The following TMCC1 variants were observed in gnomAD, a reference collection of about 807,000 sequenced individuals.
The protein encoded by TMCC1 is transmembrane and coiled-coil domains protein 1.
Under a neutral mutation model 52.4 loss-of-function variants are expected in TMCC1, and 15 were observed. The observed-to-expected ratio is 0.29, with a 90% confidence interval of 0.19 to 0.44. The LOEUF (loss-of-function observed/expected upper bound fraction) is 0.44. Ranked by LOEUF, TMCC1 falls within the 20% of genes least tolerant of loss-of-function variation. The pLI is 1.00. For missense variants in TMCC1, 503 were observed against 806.0 expected (o/e 0.62, Z 4.55); for synonymous variants, 279 against 301.9 (o/e 0.92, Z 0.79).
chr3:129,708,912 T>G (rs1402194645), intron 4 of TMCC1, among the ~76,000 whole-genome samples: 1 of 152,194 alleles, frequency 6.6e-6, no homozygotes, highest in Non-Finnish European at 1.5e-5. Flanking sequence ...AGGAAATGGG[T>G]TTAATCTCGG....
At chr3:129,792,973 T>C (rs1189059126) in intron 4 of TMCC1, among the ~76,000 whole-genome samples, 1 of 152,170 alleles carries the variant, frequency 6.6e-6, no homozygotes, top group African/African-American at 2.4e-5. Context: ...CATAATATAG[T>C]TACCTTCTAA....
At chr3:129,806,916 GA>G (rs570915106) in intron 4 of TMCC1, among the ~76,000 whole-genome samples, 223 of 150,636 alleles carry the variant, frequency 1.5e-3, no homozygotes, top group South Asian at 0.01. Flanking sequence ...AAGAACAAAG[GA>G]AAAAAAACCA....
chr3:129,770,257 T>C (rs1560380288), intron 4 of TMCC1, among the ~76,000 whole-genome samples: 1 of 152,220 alleles, frequency 6.6e-6, no homozygotes, highest in Non-Finnish European at 1.5e-5. Context: ...GGCTCACACC[T>C]GTAATCCCAG....
chr3:129,657,604 A>G (rs2086748442), intron 5 of TMCC1, among the ~76,000 whole-genome samples: 1 of 152,232 alleles, frequency 6.6e-6, no homozygotes, highest in South Asian at 2.1e-4. Flanking sequence ...TAAGTAAGAA[A>G]TCAGAGTCAG....
intron 4 of TMCC1, among the ~76,000 whole-genome samples, chr3:129,744,447 C>CCAG (rs943558302): frequency 5.9e-5 from 9 of 151,722 alleles, no homozygotes; most frequent in Admixed American, 5.3e-4. Flanking sequence ...GGCACCGCAC[C>CCAG]CAGCCTCTTT....
At chr3:129,851,950 G>C (rs962946786) in intron 2 of TMCC1, among the ~76,000 whole-genome samples, 1 of 152,122 alleles carries the variant, frequency 6.6e-6, no homozygotes, top group Non-Finnish European at 1.5e-5. Context: ...AGGAGTTCAA[G>C]ACCAGCCTGG....
intron 2 of TMCC1, among the ~76,000 whole-genome samples, chr3:129,844,386 CCA>C (rs1458578383): frequency 6.6e-6 from 1 of 152,130 alleles, no homozygotes; most frequent in Non-Finnish European, 1.5e-5. Flanking sequence ...CATCTGGCAT[CCA>C]CACAGACAGG....
At chr3:129,796,661 A>T (rs988864917) in intron 4 of TMCC1, among the ~76,000 whole-genome samples, 10 of 152,096 alleles carry the variant, frequency 6.6e-5, no homozygotes, top group African/African-American at 2.4e-4. Flanking sequence ...CTCTACAAAA[A>T]ATAAGAATAA....
At chr3:129,672,136 G>A (rs2088000754) in intron 4 of TMCC1, among the ~76,000 whole-genome samples, 1 of 152,152 alleles carries the variant, frequency 6.6e-6, no homozygotes, top group Non-Finnish European at 1.5e-5. Context: ...TGAAGAAAAA[G>A]ACAAGATACT....
At chr3:129,800,925 ATTTT>A (rs11394617) in intron 4 of TMCC1, among the ~76,000 whole-genome samples, 4 of 117,960 alleles carry the variant, frequency 3.4e-5, no homozygotes, top group African/African-American at 9.6e-5. Context: ...ATCTCACACT[ATTTT>A]TTTTTTTTTT....
rs373671341 is a variant in TMCC1, at chr3:129,831,175, C to G, written c.-131+1599G>C. ...TCTCAAATTCCTGACCTCAAGTGAT[C>G]CAACCGCCTCAGCCTCCCAAAGTGC... On this transcript the variant is annotated intron_variant, in intron 3 of 6. Transcript: ENST00000393238. 3.9e-5 allele frequency among the ~76,000 whole-genome samples: 6 copies of G among 152,210 alleles called. No homozygotes were observed. In the East Asian group the frequency reaches 1.2e-3, roughly 29 times the overall value.
At chr3:129,666,508 G>A (rs1183640113) in intron 5 of TMCC1, among the ~76,000 whole-genome samples, 1 of 152,152 alleles carries the variant, frequency 6.6e-6, no homozygotes, top group Non-Finnish European at 1.5e-5. Context: ...GGAGGCTGAG[G>A]TGGGTGGATC....
Position 129,880,437 on chromosome 3 carries a change from G to A in TMCC1, c.-312C>T, listed in dbSNP as rs921498021. On this transcript the variant is annotated 5_prime_UTR_variant, in exon 2 of 7. Coordinates refer to ENST00000393238, the MANE Select transcript of TMCC1 (RefSeq NM_001017395.5). ...AAACAGAAGATCCATATGAAAAAGA[G>A]ATCCAATCTGGGAGGATGGACACTG... is the stretch of plus-strand genomic sequence containing the variant. 1 of 152,176 alleles carries A rather than the reference G, an allele frequency of 6.6e-6. No individual in the cohort carries two copies. Among genetic ancestry groups the A allele is most frequent in the Non-Finnish European group, 1.5e-5 (1 of 68,030 alleles). 9.4% of individuals were successfully genotyped at this position (152,176 alleles called of 1,614,324 possible). A position where few individuals can be genotyped will look rare whatever the true frequency, so the allele number is the denominator to read the frequency against.
intron 4 of TMCC1, among the ~76,000 whole-genome samples, chr3:129,730,561 T>C (rs1442149802): frequency 3.3e-5 from 5 of 152,226 alleles, no homozygotes; most frequent in African/African-American, 1.2e-4. Context: ...ACTGTAGCTT[T>C]ATGGTAAGTC....
At chr3:129,892,294 A>T (rs574314653) in intron 1 of TMCC1, among the ~76,000 whole-genome samples, 1 of 152,330 alleles carries the variant, frequency 6.6e-6, no homozygotes, top group Admixed American at 6.5e-5. Context: ...CACTAGCCAG[A>T]GAGTGGGTGA....
intron 4 of TMCC1, among the ~76,000 whole-genome samples, chr3:129,820,383 T>C (rs1240176109): frequency 6.6e-6 from 1 of 151,784 alleles, no homozygotes; most frequent in East Asian, 1.9e-4. Flanking sequence ...AATATATATA[T>C]ATATCCCAAG....
chr3:129,790,673 G>A (rs1371151111), intron 4 of TMCC1, among the ~76,000 whole-genome samples: 1 of 152,088 alleles, frequency 6.6e-6, no homozygotes, highest in Admixed American at 6.6e-5. Flanking sequence ...ACTTTCTAAA[G>A]AATGTCTAAC....
intron 2 of TMCC1, among the ~76,000 whole-genome samples, chr3:129,852,456 C>CAAAAAA (rs1015860543): frequency 1.5e-4 from 6 of 39,816 alleles, no homozygotes; most frequent in Non-Finnish European, 2.0e-4. Context: ...GACACCGTCT[C>CAAAAAA]AAAAAAAAAA....
intron 4 of TMCC1, among the ~76,000 whole-genome samples, chr3:129,684,289 A>G (rs2089239927): frequency 6.6e-6 from 1 of 152,236 alleles, no homozygotes; most frequent in Admixed American, 6.5e-5. Flanking sequence ...TCAGCTATTC[A>G]AAGACTTCTG....
Sources: gnomAD v4.1 joint callset for allele counts (sites outside exome capture counted in the v4.1 genomes callset) on GRCh38, gnomAD v4.1.1 for gene constraint, MANE v1.5 for transcripts, NCBI Gene and HGNC (gene_info 2026-07-23, HGNC 2026-07-21) for gene names.